The following STPG2 variants were observed in gnomAD, a reference collection of about 807,000 sequenced individuals.
The protein encoded by STPG2 is sperm-tail PG-rich repeat-containing protein 2.
Under a neutral mutation model 54.2 loss-of-function variants are expected in STPG2, and 56 were observed. The observed-to-expected ratio is 1.03, with a 90% CI of 0.83 to 1.29. The LOEUF is 1.29. STPG2 is among the 50% of genes most tolerant of loss of function. The pLI is 0.00. For missense variants in STPG2, 596 were observed against 544.9 expected (o/e 1.09, Z -0.93); for synonymous variants, 200 against 181.8 (o/e 1.10, Z -0.81).
chr4:98,136,228 T>C lies in STPG2; in HGVS notation c.110-1769A>G, dbSNP rs543820474. Among the ~76,000 whole-genome samples, 11 of 151,810 alleles carry C rather than the reference T, an allele frequency of 7.2e-5. No homozygotes were observed. The South Asian group carries it at 2.3e-3, about 31-fold the overall frequency. ...AACAAATGTTTGTGGATTAATAAAA[T>C]ACATTTTTTCTCAATTCTTAATCCC... is the stretch of plus-strand genomic sequence containing the variant. On this transcript the variant is annotated intron_variant, in intron 1 of 10. Transcript: ENST00000295268.
intron 10 of STPG2, among the ~76,000 whole-genome samples, chr4:97,691,946 A>G (rs949142247): frequency 6.6e-6 from 1 of 152,064 alleles, no homozygotes; most frequent in African/African-American, 2.4e-5. Flanking sequence ...GAGAAATAAC[A>G]TGCTCTCAGA....
chr4:97,866,582 C>T (rs1729790085), intron 8 of STPG2, among the ~76,000 whole-genome samples: 1 of 151,728 alleles, frequency 6.6e-6, no homozygotes, highest in Admixed American at 6.6e-5. Flanking sequence ...TGTCTTCTGG[C>T]TTGTTTTTGG....
chr4:97,957,867 C>T (rs1733737859), intron 7 of STPG2, among the ~76,000 whole-genome samples: 2 of 152,258 alleles, frequency 1.3e-5, no homozygotes, highest in Admixed American at 1.3e-4. Context: ...CAAACAAATG[C>T]TGAGAGAATT....
chr4:97,924,937 C>CAGCAGAATT (rs1732279605), intron 8 of STPG2, among the ~76,000 whole-genome samples: 3 of 152,174 alleles, frequency 2.0e-5, no homozygotes, highest in African/African-American at 4.8e-5. Flanking sequence ...ATAGATGCAG[C>CAGCAGAATT]AGCAGAATTT....
At chr4:98,077,225 T>TTTTTTTG (rs1553939674) in intron 5 of STPG2, among the ~76,000 whole-genome samples, 12 of 148,684 alleles carry the variant, frequency 8.1e-5, no homozygotes, top group Admixed American at 2.7e-4. Flanking sequence ...CCTCAATAGT[T>TTTTTTTG]TTGTTGTTGT....
At chr4:97,820,102 T>C (rs1002886429) in intron 9 of STPG2, among the ~76,000 whole-genome samples, 3 of 152,186 alleles carry the variant, frequency 2.0e-5, no homozygotes, top group African/African-American at 7.2e-5. Flanking sequence ...TTCTCAATAT[T>C]TCAGACTTTT....
intron 3 of STPG2, among the ~76,000 whole-genome samples, chr4:98,126,646 A>T (rs1346906753): frequency 1.3e-5 from 2 of 151,942 alleles, no homozygotes; most frequent in African/African-American, 2.4e-5. Context: ...TGCCATTTTC[A>T]TTCTTCTCAG....
At chr4:97,860,467 G>GTTTTATTTTATTTTATTTTATTTTA (rs56308311) in intron 8 of STPG2, among the ~76,000 whole-genome samples, 2 of 138,698 alleles carry the variant, frequency 1.4e-5, no homozygotes, top group African/African-American at 2.6e-5. Context: ...ATATTCCTAA[G>GTTTTATTTTATTTTATTTTATTTTA]TTTTATTTTA....
intron 5 of STPG2, among the ~76,000 whole-genome samples, chr4:98,085,133 AGGTTTGGTTT>A (rs1360537010): frequency 6.6e-6 from 1 of 152,032 alleles, no homozygotes; most frequent in Non-Finnish European, 1.5e-5. Context: ...TTATGTTTTA[AGGTTTGGTTT>A]GGTTTGGTTT....
chr4:97,794,793 G>T (rs1335550902), intron 9 of STPG2, among the ~76,000 whole-genome samples: 1 of 152,074 alleles, frequency 6.6e-6, no homozygotes, highest in Non-Finnish European at 1.5e-5. Flanking sequence ...TTTTTCCAAA[G>T]ATTGGCTCTA....
intron 10 of STPG2, among the ~76,000 whole-genome samples, chr4:97,597,008 C>G (rs569181363): frequency 6.6e-6 from 1 of 151,716 alleles, no homozygotes; most frequent in Non-Finnish European, 1.5e-5. Flanking sequence ...ATAAAATGGA[C>G]AGATGCCCAG....
At chr4:98,052,395 ATAT>A (rs1578815294) in intron 5 of STPG2, among the ~76,000 whole-genome samples, 1 of 152,204 alleles carries the variant, frequency 6.6e-6, no homozygotes, top group Non-Finnish European at 1.5e-5. Flanking sequence ...CATTTTAAAA[ATAT>A]TATCTATTAA....
At chr4:97,474,978 A>G (rs1054972173) in intron 4 of STPG2, among the ~76,000 whole-genome samples, 1 of 152,108 alleles carries the variant, frequency 6.6e-6, no homozygotes, top group African/African-American at 2.4e-5. Context: ...AAGTTAATTC[A>G]TACAGCATTA....
chr4:97,786,979 T>C (rs1297274630), intron 9 of STPG2, among the ~76,000 whole-genome samples: 1 of 152,110 alleles, frequency 6.6e-6, no homozygotes, highest in East Asian at 1.9e-4. Flanking sequence ...GTACTGCCCA[T>C]GGTTTCAGGC....
chr4:98,115,644 C>A (rs1354578936), intron 3 of STPG2, among the ~76,000 whole-genome samples: 1 of 151,832 alleles, frequency 6.6e-6, no homozygotes, highest in African/African-American at 2.4e-5. Flanking sequence ...CAATATGCAC[C>A]TCTGGAAACT....
intron 9 of STPG2, among the ~76,000 whole-genome samples, chr4:97,743,228 G>A (rs1027187939): frequency 1.3e-5 from 2 of 151,670 alleles, no homozygotes; most frequent in Non-Finnish European, 3.0e-5. Flanking sequence ...ATTTTTGAGA[G>A]TGATGTTGCC....
At chr4:98,099,991 A>G (rs1578853014) in intron 5 of STPG2, among the ~76,000 whole-genome samples, 1 of 152,166 alleles carries the variant, frequency 6.6e-6, no homozygotes, top group Non-Finnish European at 1.5e-5. Context: ...TACCTATATC[A>G]AAATAGCTCA....
chr4:97,995,021 T>C (rs539988992), intron 5 of STPG2, among the ~76,000 whole-genome samples: 22 of 151,700 alleles, frequency 1.5e-4, no homozygotes, highest in Admixed American at 1.4e-3. Flanking sequence ...GCCAATGGAG[T>C]TATGTTCCCA....
Position 98,109,608 on chromosome 4 carries a change from T to C in STPG2, c.388-303A>G, listed in dbSNP as rs113097777. ...CAGTAATCTAAAACCTTAAGAAAAA[T>C]GAAAATTAGCTCCTCATCATTTAAA... On this transcript the variant is annotated intron_variant, in intron 3 of 10. Coordinates refer to ENST00000295268, the MANE Select transcript of STPG2 (RefSeq NM_174952.3). Among the ~76,000 whole-genome samples, 791 of 152,080 alleles carry C rather than the reference T, an allele frequency of 5.2e-3. 4 individuals are homozygous for C. The highest frequency in any genetic ancestry group is 0.02 in the Middle Eastern group (6 of 294).
Sources: allele counts gnomAD v4.1 joint callset (sites outside exome capture counted in the v4.1 genomes callset), GRCh38; gene constraint gnomAD v4.1.1; transcripts MANE v1.5; gene names NCBI Gene and HGNC (gene_info 2026-07-23, HGNC 2026-07-21).